The following ADGRG6 variants were observed in gnomAD, a reference collection of about 807,000 sequenced individuals.
The protein encoded by ADGRG6 is adhesion G protein-coupled receptor G6, also known as G-protein coupled receptor 126.
A neutral mutation model predicts 142.4 loss-of-function variants in ADGRG6; 84 were observed. That is an observed-to-expected ratio of 0.59 (90% confidence interval 0.49 to 0.71). The LOEUF is 0.71. ADGRG6 is among the 30% of genes least tolerant of loss of function. The probability of loss-of-function intolerance (pLI) is 0.00; values close to 1 mark genes in which losing one functional copy is unlikely to be tolerated. For missense variants in ADGRG6, 1,367 were observed against 1,466.6 expected (o/e 0.93, Z 1.11); for synonymous variants, 521 against 520.5 (o/e 1.00, Z -0.01).
In ADGRG6 at chr6:142,383,781, C is replaced by T. The variant is rs1448735357; in HGVS notation, c.1160C>T (p.Thr387Ile). The change falls in exon 6 of 25, where the codon ACT (threonine) becomes ATT (isoleucine). Residue 387 changes from threonine (T) to isoleucine (I), a missense_variant. By Grantham distance (89) the Thr-to-Ile change is moderately conservative. This residue lies in a region of ADGRG6 where 737 missense variants were observed against 746.5 expected (regional missense o/e 0.99). Coordinates refer to ENST00000367609, the MANE Select transcript of ADGRG6 (RefSeq NM_198569.3). ...CCAGCTACTGTAAACTCTCCTAGTA[C>T]TACACCACCCACTGTCACCACTAAC... ...LCQATVNSPSTTPPTVTTNMP... is the reference protein window; with the variant it reads ...LCQATVNSPSITPPTVTTNMP... The T allele has an allele frequency of 6.4e-7, 1 of 1,569,916 alleles. No homozygotes were observed. The highest frequency in any genetic ancestry group is 8.8e-7 in the Non-Finnish European group (1 of 1,140,406).
intron 2 of ADGRG6, among the ~76,000 whole-genome samples, chr6:142,345,307 A>G (rs1228667855): frequency 6.6e-6 from 1 of 152,102 alleles, no homozygotes; most frequent in Non-Finnish European, 1.5e-5. Context: ...TTGAAAACAT[A>G]TCGTAATATC....
intron 4 of ADGRG6, among the ~76,000 whole-genome samples, chr6:142,373,822 G>A (rs1161663322): frequency 2.0e-5 from 3 of 151,632 alleles, no homozygotes; most frequent in Non-Finnish European, 2.9e-5. Context: ...GGGATTACAG[G>A]CATGAGGGAT....
At chr6:142,426,693 G>T (rs887023968) in intron 22 of ADGRG6, among the ~76,000 whole-genome samples, 3 of 152,154 alleles carry the variant, frequency 2.0e-5, no homozygotes, top group African/African-American at 7.2e-5. Flanking sequence ...CTGCCCTAGC[G>T]GAGGTTCTCC....
chr6:142,341,640 A>T (rs1380251681), intron 2 of ADGRG6, among the ~76,000 whole-genome samples: 1 of 133,244 alleles, frequency 7.5e-6, no homozygotes, highest in Non-Finnish European at 1.6e-5. Flanking sequence ...TATATAATAT[A>T]TATAATATAT....
At chr6:142,310,234 A>G (rs192910046) in intron 2 of ADGRG6, among the ~76,000 whole-genome samples, 3 of 151,980 alleles carry the variant, frequency 2.0e-5, no homozygotes, top group African/African-American at 7.2e-5. Context: ...GCTGTTGAAA[A>G]AACTAAATTT....
At chr6:142,391,819 T>C (rs1436129427) in intron 7 of ADGRG6, among the ~76,000 whole-genome samples, 1 of 151,854 alleles carries the variant, frequency 6.6e-6, no homozygotes, top group Non-Finnish European at 1.5e-5. Context: ...TTTCAGAAGA[T>C]AAAATTCTTT....
At chr6:142,378,891 C>T (rs1781620346) in intron 4 of ADGRG6, among the ~76,000 whole-genome samples, 1 of 152,208 alleles carries the variant, frequency 6.6e-6, no homozygotes, top group Non-Finnish European at 1.5e-5. Context: ...AAAACCACCT[C>T]TGTAAAAGCT....
intron 2 of ADGRG6, among the ~76,000 whole-genome samples, chr6:142,330,472 A>T (rs1466094033): frequency 1.3e-5 from 2 of 152,200 alleles, no homozygotes; most frequent in Non-Finnish European, 2.9e-5. Flanking sequence ...AATGCCATTC[A>T]TTAATCATGA....
At chr6:142,319,240 T>C (rs1046384563) in intron 2 of ADGRG6, among the ~76,000 whole-genome samples, 1 of 152,112 alleles carries the variant, frequency 6.6e-6, no homozygotes, top group Non-Finnish European at 1.5e-5. Flanking sequence ...GCATATTTAG[T>C]TGTGACTGAG....
At chr6:142,325,806 G>A (rs1778747102) in intron 2 of ADGRG6, among the ~76,000 whole-genome samples, 1 of 151,990 alleles carries the variant, frequency 6.6e-6, no homozygotes, top group Non-Finnish European at 1.5e-5. Context: ...AAAATTAAAT[G>A]TAGGTGTTTG....
chr6:142,367,427 A>T, intron 2 of ADGRG6, 142 bp from the exon 3 acceptor site: 1 of 619,110 alleles, frequency 1.6e-6, no homozygotes, highest in Non-Finnish European at 2.8e-6. Context: ...AGAGGGTTTC[A>T]TTTTCCATTT....
At chr6:142,440,684 A>T (rs756037245) in intron 24 of ADGRG6, among the ~76,000 whole-genome samples, 10 of 152,158 alleles carry the variant, frequency 6.6e-5, no homozygotes, top group African/African-American at 2.2e-4. Context: ...GTCAACTAGG[A>T]TGAGAATATA....
intron 2 of ADGRG6, among the ~76,000 whole-genome samples, chr6:142,333,134 T>C (rs575642174): frequency 4.6e-5 from 7 of 152,308 alleles, no homozygotes; most frequent in Non-Finnish European, 1.0e-4. Flanking sequence ...GCAAAGAGAA[T>C]ATATGATGCA....
At chr6:142,362,258 A>G (rs1346120067) in intron 2 of ADGRG6, among the ~76,000 whole-genome samples, 1 of 152,142 alleles carries the variant, frequency 6.6e-6, no homozygotes. Context: ...AGTAAGCGGT[A>G]CCCTTTTGAA....
chr6:142,359,633 C>T (rs917861430), intron 2 of ADGRG6, among the ~76,000 whole-genome samples: 3 of 152,224 alleles, frequency 2.0e-5, no homozygotes, highest in Non-Finnish European at 4.4e-5. Context: ...GAGCAATTAT[C>T]ACATTGTATG....
Position 142,400,467 on chromosome 6 carries a change from G to A in ADGRG6, c.1568-18G>A. ...AAATAGGTGAATATTTCTCATGCTG[G>A]TTCTTATGTTCATATAGGTCATTGT... On this transcript the variant is annotated intron_variant, in intron 10 of 24. Transcript: ENST00000367609. 1 of 1,174,130 alleles carries A rather than the reference G, an allele frequency of 8.5e-7. No homozygotes were observed. Among genetic ancestry groups the A allele is most frequent in the Non-Finnish European group, 1.3e-6 (1 of 781,566 alleles). 72.7% of individuals were successfully genotyped at this position (1,174,130 alleles called of 1,614,324 possible).
At chr6:142,331,575 C>G (rs1407080091) in intron 2 of ADGRG6, among the ~76,000 whole-genome samples, 1 of 152,152 alleles carries the variant, frequency 6.6e-6, no homozygotes, top group Non-Finnish European at 1.5e-5. Context: ...TCTCATTTTG[C>G]TTTCCTTGAT....
At chr6:142,412,650 A>G (rs1234640954) in intron 18 of ADGRG6, among the ~76,000 whole-genome samples, 2 of 152,340 alleles carry the variant, frequency 1.3e-5, no homozygotes, top group African/African-American at 4.8e-5. Flanking sequence ...CTGTCAAAGC[A>G]TGAAAATGAA....
At chr6:142,431,352 T>G (rs1777197290) in intron 22 of ADGRG6, among the ~76,000 whole-genome samples, 1 of 152,162 alleles carries the variant, frequency 6.6e-6, no homozygotes, top group African/African-American at 2.4e-5. Flanking sequence ...CAGGCTAAAA[T>G]GCACCAAAAA....
Sources: allele counts gnomAD v4.1 joint callset (sites outside exome capture counted in the v4.1 genomes callset), GRCh38; gene constraint gnomAD v4.1.1; regional missense constraint gnomAD v4.1.1; transcripts MANE v1.5; gene names NCBI Gene and HGNC (gene_info 2026-07-23, HGNC 2026-07-21).